Variants in NRXN3 observed in about 807,000 individuals in gnomAD.
The protein encoded by NRXN3 is neurexin III.
Under a neutral mutation model 137.6 loss-of-function variants are expected in NRXN3, and 32 were observed. The ratio of observed to expected loss-of-function variants is 0.23; its 90% CI spans 0.18 to 0.31. NRXN3 has a LOEUF of 0.31. NRXN3 is among the 10% of genes least tolerant of loss of function. NRXN3 has a pLI of 1.00. For missense variants in NRXN3, 1,574 were observed against 2,062.5 expected (o/e 0.76, Z 4.59); for synonymous variants, 798 against 784.5 (o/e 1.02, Z -0.29).
In NRXN3 at chr14:79,759,141, A is replaced by G. The variant is rs1397524746; in HGVS notation, c.4015-45971A>G. Among the ~76,000 whole-genome samples, 4 of 152,270 alleles carry G rather than the reference A, an allele frequency of 2.6e-5. No individual in the cohort carries two copies. The East Asian group carries it at 7.7e-4, about 29-fold the overall frequency. ...TTGAGGTTTGGCAAAACCATCTAGT[A>G]GTTTCAGTTCTCCCTGACAGTAAGA... is the stretch of plus-strand genomic sequence containing the variant. On this transcript the variant is annotated intron_variant, in intron 19 of 20. Transcript: ENST00000335750.
chr14:79,606,150 A>G (rs1602913450), intron 16 of NRXN3, among the ~76,000 whole-genome samples: 1 of 152,182 alleles, frequency 6.6e-6, no homozygotes, highest in South Asian at 2.1e-4. Context: ...CTCCGGATAA[A>G]TCTTCATGAT....
chr14:79,014,815 CT>C (rs1248519675), intron 15 of NRXN3, among the ~76,000 whole-genome samples: 1 of 152,054 alleles, frequency 6.6e-6, no homozygotes, highest in African/African-American at 2.4e-5. Flanking sequence ...GTTGCTGTCC[CT>C]TGGATGGATT....
At chr14:78,310,130 A>C (rs1434017479) in intron 4 of NRXN3, among the ~76,000 whole-genome samples, 2 of 152,108 alleles carry the variant, frequency 1.3e-5, no homozygotes, top group Non-Finnish European at 2.9e-5. Flanking sequence ...TGATCTTGGC[A>C]TAACATGAGA....
At chr14:79,199,048 TC>T (rs1234662917) in intron 15 of NRXN3, among the ~76,000 whole-genome samples, 6 of 152,198 alleles carry the variant, frequency 3.9e-5, no homozygotes, top group Non-Finnish European at 7.4e-5. Flanking sequence ...GCGCCTGTAG[TC>T]CCAGCTACTC....
chr14:78,415,008 T>C (rs2093048019), intron 4 of NRXN3, among the ~76,000 whole-genome samples: 1 of 152,140 alleles, frequency 6.6e-6, no homozygotes, highest in Non-Finnish European at 1.5e-5. Flanking sequence ...TTAATAAGCA[T>C]GTAATTTAGA....
chr14:79,738,715 C>G (rs533025110), intron 19 of NRXN3, among the ~76,000 whole-genome samples: 22 of 152,150 alleles, frequency 1.4e-4, no homozygotes, highest in Non-Finnish European at 2.6e-4. Flanking sequence ...CTCACCACCA[C>G]GCCCAGCTAA....
At position 79,335,379 on chromosome 14, in the gene NRXN3, C is replaced by T. The variant is rs74069730; in HGVS notation, c.3263-131842C>T. On this transcript the variant is annotated intron_variant, in intron 15 of 20. Transcript: ENST00000335750. Reference sequence around the variant, plus strand: ...GGAAAATAGTATGACAGTCCTGATACTATTTTATTTATTTTCTTCTTCAGA... The same window carrying T: ...GGAAAATAGTATGACAGTCCTGATATTATTTTATTTATTTTCTTCTTCAGA... Among the ~76,000 whole-genome samples, 744 of 152,040 alleles carry T rather than the reference C, an allele frequency of 4.9e-3. 13 individuals carry two copies. Among genetic ancestry groups the T allele is most frequent in the African/African-American group, 0.017 (709 of 41,452 alleles).
At chr14:78,205,415 C>T (rs4899703) in intron 1 of NRXN3, among the ~76,000 whole-genome samples, 136,892 of 152,296 alleles carry the variant, frequency 0.9, 61,859 homozygotes, top group African/African-American at 0.98. Context: ...TTGGCTGAGA[C>T]GATGCACGGC....
At chr14:78,947,732 C>T (rs1462350592) in intron 10 of NRXN3, among the ~76,000 whole-genome samples, 1 of 152,156 alleles carries the variant, frequency 6.6e-6, no homozygotes, top group African/African-American at 2.4e-5. Context: ...AACCATGGTC[C>T]CTCAGCCTGC....
intron 16 of NRXN3, among the ~76,000 whole-genome samples, chr14:79,485,808 A>G (rs919924394): frequency 6.6e-6 from 1 of 152,192 alleles, no homozygotes; most frequent in African/African-American, 2.4e-5. Flanking sequence ...GGCACTGTCA[A>G]CATGTTTTCA....
At chr14:79,506,428 C>A (rs1258552058) in intron 16 of NRXN3, among the ~76,000 whole-genome samples, 1 of 152,136 alleles carries the variant, frequency 6.6e-6, no homozygotes, top group Non-Finnish European at 1.5e-5. Flanking sequence ...TGCTCAGGAA[C>A]AATATTTGCT....
intron 4 of NRXN3, among the ~76,000 whole-genome samples, chr14:78,393,325 T>C (rs1006677651): frequency 6.6e-6 from 1 of 152,078 alleles, no homozygotes; most frequent in Non-Finnish European, 1.5e-5. Context: ...GAGAAACTAT[T>C]GTGTAATGTA....
At chr14:79,589,182 G>A (rs749029521) in intron 16 of NRXN3, among the ~76,000 whole-genome samples, 1 of 152,132 alleles carries the variant, frequency 6.6e-6, no homozygotes, top group African/African-American at 2.4e-5. Flanking sequence ...TTGAGCCTGG[G>A]AGGTTGAGGC....
At chr14:78,941,723 A>T (rs544908365) in intron 10 of NRXN3, among the ~76,000 whole-genome samples, 1 of 152,240 alleles carries the variant, frequency 6.6e-6, no homozygotes, top group African/African-American at 2.4e-5. Context: ...TGGGATAAAA[A>T]TGCTTACTTC....
intron 15 of NRXN3, among the ~76,000 whole-genome samples, chr14:79,286,639 CTGTT>C (rs2082312192): frequency 6.6e-6 from 1 of 150,634 alleles, no homozygotes; most frequent in African/African-American, 2.4e-5. Flanking sequence ...CTTTCTTTGT[CTGTT>C]TGTTTCTGTG....
chr14:79,362,419 G>A (rs916045665), intron 15 of NRXN3, among the ~76,000 whole-genome samples: 2 of 151,720 alleles, frequency 1.3e-5, no homozygotes, highest in African/African-American at 4.8e-5. Context: ...TATTTGGAAC[G>A]GTACTGGTTA....
chr14:79,565,327 A>G lies in NRXN3; in HGVS notation c.3444+97925A>G, dbSNP rs549259137. On this transcript the variant is annotated intron_variant, in intron 16 of 20. Coordinates refer to ENST00000335750, the MANE Select transcript of NRXN3 (RefSeq NM_001330195.2). ...TACATATACACACACATGTGTGTGT[A>G]TATATATATACATATGTGTGCGTAT... Among the ~76,000 whole-genome samples, 59 of 138,028 alleles carry G rather than the reference A, an allele frequency of 4.3e-4. No individual in the cohort carries two copies. In the Middle Eastern group the frequency reaches 0.026, roughly 61 times the overall value. 90.6% of individuals were successfully genotyped at this position (138,028 alleles called of 152,430 possible). A position where few individuals can be genotyped will look rare whatever the true frequency, so the allele number is the denominator to read the frequency against.
rs190989891 is a variant in NRXN3, at chr14:78,376,110, G to T, written c.757+78250G>T. 1.1e-3 allele frequency among the ~76,000 whole-genome samples: 164 copies of T among 152,150 alleles called. 1 individual carries two copies. Among genetic ancestry groups the T allele is most frequent in the Admixed American group, 5.2e-3 (80 of 15,278 alleles). ...ATTTGTGATACAGCACTGAAAGACT[G>T]AGAAGAAAGAGAGAATTAAAGTAGC... is the stretch of plus-strand genomic sequence containing the variant. On this transcript the variant is annotated intron_variant, in intron 4 of 20. Transcript: ENST00000335750.
intron 15 of NRXN3, among the ~76,000 whole-genome samples, chr14:79,421,116 G>T (rs1162856378): frequency 1.3e-5 from 2 of 152,120 alleles, no homozygotes; most frequent in East Asian, 3.9e-4. Flanking sequence ...CATAAAAGAG[G>T]TATACATTAT....
Sources: gnomAD v4.1 joint callset for allele counts (sites outside exome capture counted in the v4.1 genomes callset) on GRCh38, gnomAD v4.1.1 for gene constraint, MANE v1.5 for transcripts, NCBI Gene and HGNC (gene_info 2026-07-23, HGNC 2026-07-21) for gene names.